The following PTPRQ variants were observed in gnomAD, a reference collection of about 807,000 sequenced individuals.
PTPRQ encodes the protein protein tyrosine phosphatase receptor type Q.
PTPRQ carries 199 observed loss-of-function variants against 246.0 expected under a neutral mutation model. The ratio of observed to expected loss-of-function variants is 0.81; its 90% confidence interval spans 0.72 to 0.91. The LOEUF (loss-of-function observed/expected upper bound fraction) is 0.91, where lower values mean the gene tolerates loss of function less well. Among genes scored for constraint, PTPRQ ranks in the 40% least tolerant of loss-of-function variants. PTPRQ has a pLI of 0.00. For missense variants in PTPRQ, 2,624 were observed against 2,528.4 expected (o/e 1.04, Z -0.81); for synonymous variants, 869 against 853.2 (o/e 1.02, Z -0.32).
At chr12:80,634,821 T>C (rs1192151472) in intron 34 of PTPRQ, 124 bp from the exon 35 acceptor site, 2 of 1,384,784 alleles carry the variant, frequency 1.4e-6, no homozygotes, top group African/African-American at 1.5e-5. Context: ...TGCAACATAT[T>C]CAGAGAGGTG....
intron 43 of PTPRQ, 128 bp downstream of exon 43, chr12:80,673,432 T>C (rs952083384): frequency 4.3e-6 from 6 of 1,379,544 alleles, no homozygotes; most frequent in Admixed American, 3.2e-5. Context: ...ATTATAAGCC[T>C]TTTGGGGAGG....
intron 19 of PTPRQ, among the ~76,000 whole-genome samples, chr12:80,539,427 A>T (rs2120829653): frequency 6.6e-6 from 1 of 152,292 alleles, no homozygotes; most frequent in African/African-American, 2.4e-5. Flanking sequence ...AAATTAGCTG[A>T]TGCTTTGAAA....
At position 80,505,975 on chromosome 12, in the gene PTPRQ, A is replaced by G. The variant is rs1405392015; in HGVS notation, c.2273-49A>G. The G allele has an allele frequency of 4.6e-6, 7 of 1,509,584 alleles. No individual in the cohort carries two copies. The Admixed American group carries it at 1.6e-4, about 34-fold the overall frequency. 93.5% of individuals were successfully genotyped at this position (1,509,584 alleles called of 1,614,324 possible). ...TTCAGTGACAATTTCAGCAGAATAG[A>G]TTTTTAGAATGGAATTGTTTTATGT... is the stretch of plus-strand genomic sequence containing the variant. On this transcript the variant is annotated intron_variant, in intron 14 of 44. Coordinates refer to ENST00000644991, the MANE Select transcript of PTPRQ (RefSeq NM_001145026.2).
intron 39 of PTPRQ, among the ~76,000 whole-genome samples, chr12:80,665,569 A>G (rs1900759378): frequency 1.3e-5 from 2 of 152,042 alleles, no homozygotes; most frequent in African/African-American, 4.8e-5. Context: ...AAACCTCAAA[A>G]ACACAGGCAG....
rs564063838 is a variant in PTPRQ at position 80,625,906 on chromosome 12, A to G, written c.5686+3772A>G. Among the ~76,000 whole-genome samples, 7 of 152,280 alleles carry G rather than the reference A, an allele frequency of 4.6e-5. No individual in the cohort carries two copies. In the East Asian group the frequency reaches 1.4e-3, roughly 29 times the overall value. ...ACATCAGTTTATGGAAAGTGCTTGT[A>G]GGCAATGTTTTGATTACAAGGTTTA... On this transcript the variant is annotated intron_variant, in intron 33 of 44. Transcript: ENST00000644991.
In PTPRQ at chr12:80,653,711, T is replaced by C. The variant is rs140294594; in HGVS notation, c.6115+877T>C. 2.5e-4 allele frequency among the ~76,000 whole-genome samples: 38 copies of C among 152,296 alleles called. No homozygotes were observed. In the East Asian group the frequency reaches 6.8e-3, roughly 27 times the overall value. ...GACGTAGACCTAGAGAAGGATGTGA[T>C]CATAGAATGTCGAATTGTAAAGGAC... On this transcript the variant is annotated intron_variant, in intron 38 of 44. Transcript: ENST00000644991.
intron 17 of PTPRQ, among the ~76,000 whole-genome samples, chr12:80,519,627 A>G (rs556099791): frequency 6.4e-4 from 97 of 152,286 alleles, no homozygotes; most frequent in African/African-American, 2.3e-3. Context: ...ATGAATATTC[A>G]GGAAGGTGGT....
intron 22 of PTPRQ, 39 bp from the exon 23 acceptor site, chr12:80,542,691 G>A: frequency 6.6e-7 from 1 of 1,516,238 alleles, no homozygotes; most frequent in Non-Finnish European, 8.8e-7. Flanking sequence ...TATGTTAAAA[G>A]TTTTATGAAT....
At chr12:80,456,239 G>T (rs1892978518) in intron 3 of PTPRQ, among the ~76,000 whole-genome samples, 1 of 152,166 alleles carries the variant, frequency 6.6e-6, no homozygotes, top group Admixed American at 6.5e-5. Context: ...CTTACTGGAA[G>T]TGTGCCTATT....
At chr12:80,519,920 A>G (rs899172875) in intron 17 of PTPRQ, among the ~76,000 whole-genome samples, 5 of 152,004 alleles carry the variant, frequency 3.3e-5, no homozygotes, top group Admixed American at 1.3e-4. Flanking sequence ...TCTGATGGTG[A>G]GCTACAATTG....
In PTPRQ at chr12:80,652,070, T is replaced by C. The variant is rs572206560; in HGVS notation, c.6025-674T>C. Among the ~76,000 whole-genome samples the C allele has an allele frequency of 4.6e-5, 7 of 152,232 alleles. No individual in the cohort carries two copies. The East Asian group carries it at 1.3e-3, about 29-fold the overall frequency. ...AATGGAAAACTATAAATTTCACACA[T>C]GTAAATTTTCAGCTCAACAAAATAA... On this transcript the variant is annotated intron_variant, in intron 37 of 44. Transcript: ENST00000644991.
rs190319806 is a variant in PTPRQ, at chr12:80,603,090, T to C, written c.4610-1969T>C. Among the ~76,000 whole-genome samples the C allele has an allele frequency of 2.0e-5, 3 of 151,856 alleles. No individual in the cohort carries two copies. In the East Asian group the frequency reaches 5.8e-4, roughly 30 times the overall value. ...TGTGAACTGCCAAAATTCACTAATA[T>C]TAATGCATGAGTTAGCTTTTACTAC... is the stretch of plus-strand genomic sequence containing the variant. On this transcript the variant is annotated intron_variant, in intron 26 of 44. Transcript: ENST00000644991.
intron 33 of PTPRQ, among the ~76,000 whole-genome samples, chr12:80,624,774 A>G (rs1899133032): frequency 6.6e-6 from 1 of 152,178 alleles, no homozygotes; most frequent in Non-Finnish European, 1.5e-5. Context: ...TCCATTTGAC[A>G]TTGATAGAAC....
intron 17 of PTPRQ, among the ~76,000 whole-genome samples, chr12:80,514,345 T>C (rs1234901373): frequency 7.0e-6 from 1 of 143,490 alleles, no homozygotes; most frequent in Admixed American, 7.2e-5. Context: ...AGAAAACACT[T>C]TTCCCTCAGT....
At chr12:80,477,958 C>A (rs990233518) in intron 8 of PTPRQ, among the ~76,000 whole-genome samples, 2 of 152,208 alleles carry the variant, frequency 1.3e-5, no homozygotes, top group Admixed American at 6.5e-5. Context: ...GGGTGAGGGG[C>A]GCCCGCCATT....
intron 26 of PTPRQ, chr12:80,593,547 T>C (rs1592696378): frequency 6.6e-6 from 1 of 152,250 alleles, no homozygotes; most frequent in East Asian, 1.9e-4. Context: ...ACCTAGATCA[T>C]TGAAGCCAAA....
chr12:80,545,622 A>T (rs1896279198), intron 23 of PTPRQ, among the ~76,000 whole-genome samples: 1 of 151,666 alleles, frequency 6.6e-6, no homozygotes, highest in Non-Finnish European at 1.5e-5. Context: ...TCCTTGGGCA[A>T]CTATGATACT....
At chr12:80,667,363 A>G (rs1459679098) in intron 39 of PTPRQ, among the ~76,000 whole-genome samples, 1 of 152,030 alleles carries the variant, frequency 6.6e-6, no homozygotes, top group African/African-American at 2.4e-5. Context: ...AGCCAGGAAC[A>G]GAAAAATAAA....
chr12:80,646,202 C>G (rs1478592984), intron 35 of PTPRQ, among the ~76,000 whole-genome samples: 1 of 151,994 alleles, frequency 6.6e-6, no homozygotes, highest in Non-Finnish European at 1.5e-5. Flanking sequence ...TTGATAGTAA[C>G]CAATACTTAT....
Sources: allele counts gnomAD v4.1 joint callset (sites outside exome capture counted in the v4.1 genomes callset), GRCh38; gene constraint gnomAD v4.1.1; transcripts MANE v1.5; gene names NCBI Gene and HGNC (gene_info 2026-07-23, HGNC 2026-07-21).